The following CFAP54 variants were observed in gnomAD, a reference collection of about 807,000 sequenced individuals.
The protein encoded by CFAP54 is cilia and flagella associated protein 54, also known as cilia- and flagella-associated protein 54.
Under a neutral mutation model 370.4 loss-of-function variants are expected in CFAP54, and 290 were observed. The observed-to-expected ratio is 0.78, with a 90% CI of 0.71 to 0.86. The LOEUF is 0.86. Among genes scored for constraint, CFAP54 ranks in the 40% least tolerant of loss-of-function variants. The probability of loss-of-function intolerance (pLI) is 0.00; values close to 1 mark genes in which losing one functional copy is unlikely to be tolerated. For missense variants in CFAP54, 3,399 were observed against 3,528.7 expected (o/e 0.96, Z 0.93); for synonymous variants, 1,206 against 1,236.5 (o/e 0.98, Z 0.52).
At chr12:96,810,566 A>G (rs1958920188) in intron 63 of CFAP54, among the ~76,000 whole-genome samples, 1 of 152,196 alleles carries the variant, frequency 6.6e-6, no homozygotes, top group South Asian at 2.1e-4. Context: ...GCACAGGAAA[A>G]TAACAAGAGA....
In CFAP54 at chr12:96,742,692, A is replaced by G. The variant is rs911424614; in HGVS notation, c.7219+106A>G. 6 of 1,097,836 alleles carry G rather than the reference A, an allele frequency of 5.5e-6. No homozygotes were observed. In the Admixed American group the frequency reaches 1.1e-4, roughly 21 times the overall value. 68.0% of individuals were successfully genotyped at this position (1,097,836 alleles called of 1,614,324 possible). On this transcript the variant is annotated intron_variant, in intron 52 of 67. Transcript: ENST00000524981. ...TTATGTTAATGTTTTATAACTTTCTAGCTTGATCTGCTTATAGAATTAAAA... is the reference window on the plus strand; with the variant it reads ...TTATGTTAATGTTTTATAACTTTCTGGCTTGATCTGCTTATAGAATTAAAA...
intron 22 of CFAP54, among the ~76,000 whole-genome samples, chr12:96,581,882 G>A (rs1027206825): frequency 1.1e-4 from 16 of 152,032 alleles, no homozygotes; most frequent in Admixed American, 9.2e-4. Context: ...TAGTTTGTTA[G>A]TAATTCTCCA....
chr12:96,534,847 A>C (rs2136381818), intron 11 of CFAP54, among the ~76,000 whole-genome samples: 1 of 152,212 alleles, frequency 6.6e-6, no homozygotes, highest in East Asian at 1.9e-4. Flanking sequence ...CTGAATCAAT[A>C]TTTTTATTAT....
At chr12:96,816,370 T>C (rs924611848) in intron 64 of CFAP54, among the ~76,000 whole-genome samples, 1 of 152,200 alleles carries the variant, frequency 6.6e-6, no homozygotes. Context: ...TGTTTGTCTA[T>C]TATTGGTGTA....
At chr12:96,535,367 A>C in intron 11 of CFAP54, 148 bp from the exon 12 acceptor site, 1 of 608,852 alleles carries the variant, frequency 1.6e-6, no homozygotes, top group Non-Finnish European at 2.9e-6. Flanking sequence ...GTTTTCATAT[A>C]GAAGTATTTA....
At chr12:96,648,687 C>A (rs925515276) in intron 34 of CFAP54, among the ~76,000 whole-genome samples, 9 of 137,320 alleles carry the variant, frequency 6.6e-5, no homozygotes, top group Admixed American at 4.1e-4. Flanking sequence ...CTCCTGAATT[C>A]AAGCGATTCT....
At chr12:96,688,227 G>C (rs886845692) in intron 42 of CFAP54, among the ~76,000 whole-genome samples, 3 of 152,192 alleles carry the variant, frequency 2.0e-5, no homozygotes, top group African/African-American at 7.2e-5. Context: ...TCTTCTAAGG[G>C]ACATAAAATG....
intron 1 of CFAP54, 31 bp downstream of exon 1, chr12:96,489,957 C>A (rs1174401107): frequency 3.3e-6 from 5 of 1,510,584 alleles, no homozygotes; most frequent in Non-Finnish European, 4.4e-6. Context: ...GGGGAGGGCG[C>A]CGGCCAGAGG....
chr12:96,735,170 G>C (rs374430317), intron 50 of CFAP54, among the ~76,000 whole-genome samples: 1 of 152,022 alleles, frequency 6.6e-6, no homozygotes, highest in Non-Finnish European at 1.5e-5. Flanking sequence ...TGCTCCCCAC[G>C]GAGATAGAAA....
chr12:96,563,577 A>C (rs1165919452), intron 17 of CFAP54, among the ~76,000 whole-genome samples: 7 of 152,218 alleles, frequency 4.6e-5, no homozygotes, highest in Non-Finnish European at 2.9e-5. Flanking sequence ...TCTGCTCTGC[A>C]TTGCTATCTC....
At position 96,720,849 on chromosome 12, in the gene CFAP54, C is replaced by G. The variant is rs558768949; in HGVS notation, c.6965+284C>G. Among the ~76,000 whole-genome samples, 51 of 152,146 alleles carry G rather than the reference C, an allele frequency of 3.4e-4. No individual in the cohort carries two copies. In the South Asian group the frequency reaches 0.01, roughly 30 times the overall value. ...CCAGGCTGGCCAACACGAAGAAACC[C>G]TGTCTCTACTAAAATATGAAAATTA... On this transcript the variant is annotated intron_variant, in intron 50 of 67. Coordinates refer to ENST00000524981, the MANE Select transcript of CFAP54 (RefSeq NM_001306084.2).
At chr12:96,579,471 T>G (rs552102087) in intron 20 of CFAP54, among the ~76,000 whole-genome samples, 1 of 152,318 alleles carries the variant, frequency 6.6e-6, no homozygotes, top group South Asian at 2.1e-4. Flanking sequence ...ACCACTTGTG[T>G]CAATTGGACA....
Position 96,521,934 on chromosome 12 carries a change from A to T in CFAP54, c.1020A>T (p.Glu340Asp), listed in dbSNP as rs1053014022. 6.5e-7 allele frequency: 1 copy of T among 1,534,964 alleles called. No individual in the cohort carries two copies. Among genetic ancestry groups the T allele is most frequent in the African/African-American group, 1.4e-5 (1 of 73,178 alleles). Residue 340 changes from glutamate to aspartate, a missense_variant, in exon 7 of 68, where the codon GAA becomes GAT. By Grantham distance (45) the Glu-to-Asp change is conservative. Coordinates refer to ENST00000524981, the MANE Select transcript of CFAP54 (RefSeq NM_001306084.2). Reference sequence around the variant, plus strand: ...TAATGAGTTCCTCAAAATCCCAGGAAGAATCGCGAAGATATTTTCGAGAGG... The same window carrying T: ...TAATGAGTTCCTCAAAATCCCAGGATGAATCGCGAAGATATTTTCGAGAGG... ...LELMSSSKSQEESRRYFREAT... is the reference protein window; with the variant it reads ...LELMSSSKSQDESRRYFREAT...
intron 8 of CFAP54, among the ~76,000 whole-genome samples, chr12:96,523,005 G>A (rs1454952168): frequency 6.6e-6 from 1 of 152,102 alleles, no homozygotes; most frequent in Non-Finnish European, 1.5e-5. Context: ...TCTTCCCCTT[G>A]TCTTTTTCTT....
Position 96,700,067 on chromosome 12 carries a change from G to A in CFAP54, c.6448G>A (p.Gly2150Ser). 2 of 1,608,798 alleles carry A rather than the reference G, an allele frequency of 1.2e-6. No homozygotes were observed. Residue 2150 changes from glycine to serine, a missense_variant, in exon 46 of 68, where the codon GGC becomes AGC. Transcript: ENST00000524981. ...AAACATGCCTTGTCCAATACCTGCA[G>A]GCTATAAAGCCACTGGAAAAATGAA... ...GKNMPCPIPA[G>S]YKATGKMKIF...
rs746585924 is a variant in CFAP54 at position 96,844,888 on chromosome 12, G to A, written c.9171+15800G>A. Among the ~76,000 whole-genome samples the A allele has an allele frequency of 3.3e-5, 5 of 152,228 alleles. No individual in the cohort carries two copies. The South Asian group carries it at 1.0e-3, about 32-fold the overall frequency. On this transcript the variant is annotated intron_variant, in intron 66 of 67. Coordinates refer to ENST00000524981, the MANE Select transcript of CFAP54 (RefSeq NM_001306084.2). ...CCTCTCCCACCTGACTCAGTTTCCT[G>A]CTCCTTCCCTTGGCTCAGTGCTCTC...
intron 67 of CFAP54, among the ~76,000 whole-genome samples, chr12:96,870,964 C>CTT (rs1366897499): frequency 5.3e-5 from 8 of 152,112 alleles, no homozygotes; most frequent in African/African-American, 7.2e-5. Context: ...TTGCAAAATA[C>CTT]GTAAGGGACA....
chr12:96,496,278 C>T (rs1228532972), intron 1 of CFAP54, among the ~76,000 whole-genome samples: 4 of 152,236 alleles, frequency 2.6e-5, no homozygotes, highest in Non-Finnish European at 5.9e-5. Flanking sequence ...ATTACTCCAA[C>T]ACATACATCA....
In CFAP54 at chr12:96,658,355, AAGTT is replaced by A. The variant is rs1242514637; in HGVS notation, c.5460+14_5460+17del. On this transcript the variant is annotated intron_variant, in intron 38 of 67. Transcript: ENST00000524981. ...CTGAATATGGAGAGAAGGTAAGTTT[AAGTT>A]AGTTCTATTATTCATGCTGTTGTGA... 1 of 1,613,822 alleles carries A rather than the reference AAGTT, an allele frequency of 6.2e-7. No individual in the cohort carries two copies. Among genetic ancestry groups the A allele is most frequent in the South Asian group, 1.1e-5 (1 of 91,004 alleles).
Sources: gnomAD v4.1 joint callset for allele counts (sites outside exome capture counted in the v4.1 genomes callset) on GRCh38, gnomAD v4.1.1 for gene constraint, MANE v1.5 for transcripts, NCBI Gene and HGNC (gene_info 2026-07-23, HGNC 2026-07-21) for gene names.